The following SHISA9 variants were observed in gnomAD, a reference collection of about 807,000 sequenced individuals.
SHISA9 encodes the protein shisa family member 9.
A neutral mutation model predicts 38.0 loss-of-function variants in SHISA9; 13 were observed. The observed-to-expected ratio is 0.34, with a 90% confidence interval of 0.22 to 0.54. SHISA9 has a LOEUF of 0.54. Among genes scored for constraint, SHISA9 ranks in the 20% least tolerant of loss-of-function variants. SHISA9 has a pLI of 0.91. For missense variants in SHISA9, 538 were observed against 575.8 expected (o/e 0.93, Z 0.67); for synonymous variants, 275 against 242.0 (o/e 1.14, Z -1.27).
chr16:13,208,443 CTT>C (rs71395107), intron 3 of SHISA9, among the ~76,000 whole-genome samples: 6 of 125,050 alleles, frequency 4.8e-5, no homozygotes, highest in Non-Finnish European at 4.8e-5. Context: ...CTTTTTTTTT[CTT>C]TTTTTTTTTT....
intron 2 of SHISA9, among the ~76,000 whole-genome samples, chr16:13,171,019 C>T (rs568618278): frequency 2.2e-4 from 34 of 152,284 alleles, no homozygotes; most frequent in African/African-American, 6.3e-4. Context: ...TTGATTCACC[C>T]TTCTGCAGGC....
At chr16:13,031,056 G>A (rs4780492) in intron 2 of SHISA9, among the ~76,000 whole-genome samples, 91,150 of 152,092 alleles carry the variant, frequency 0.6, 28,345 homozygotes, top group Middle Eastern at 0.74. Flanking sequence ...ATATGTCTCT[G>A]TTGTGTTGAT....
intron 2 of SHISA9, among the ~76,000 whole-genome samples, chr16:13,029,435 G>A (rs1048102521): frequency 6.6e-6 from 1 of 152,116 alleles, no homozygotes; most frequent in African/African-American, 2.4e-5. Context: ...GCAAAACCTC[G>A]TCTCTACAAA....
chr16:13,404,558 G>A, the SHISA9 span, among the ~76,000 whole-genome samples: 1 of 152,140 alleles, frequency 6.6e-6, no homozygotes. Flanking sequence ...AAGGCTACAG[G>A]TGGCCAGAGC....
At chr16:13,346,106 C>G in the SHISA9 span, among the ~76,000 whole-genome samples, 4 of 152,168 alleles carry the variant, frequency 2.6e-5, no homozygotes, top group African/African-American at 9.7e-5. Context: ...CATCCCTCAT[C>G]CTTCTTCCAC....
chr16:13,242,305 C>T (rs1163830779), downstream of SHISA9, among the ~76,000 whole-genome samples: 1 of 152,144 alleles, frequency 6.6e-6, no homozygotes, highest in Non-Finnish European at 1.5e-5. Flanking sequence ...TCCCAAGCTC[C>T]CTCAAAGAGC....
intron 3 of SHISA9, among the ~76,000 whole-genome samples, chr16:13,209,087 GATA>G (rs1410001744): frequency 2.0e-5 from 3 of 152,124 alleles, no homozygotes; most frequent in Non-Finnish European, 4.4e-5. Context: ...GTAAAATGGA[GATA>G]ATAATGATAA....
intron 2 of SHISA9, among the ~76,000 whole-genome samples, chr16:13,142,989 CTTTTATTTTATTTTA>C (rs3075119): frequency 2.8e-5 from 4 of 141,364 alleles, no homozygotes; most frequent in East Asian, 4.2e-4. Flanking sequence ...TAGCTGTTTC[CTTTTATTTTATTTTA>C]TTTTATTTTA....
At chr16:13,503,978 C>T in the SHISA9 span, among the ~76,000 whole-genome samples, 3 of 152,200 alleles carry the variant, frequency 2.0e-5, no homozygotes, top group African/African-American at 7.2e-5. Flanking sequence ...GGAAGGCTCC[C>T]CCTCAGGTGG....
chr16:13,292,314 G>A, the SHISA9 span, among the ~76,000 whole-genome samples: 1 of 151,540 alleles, frequency 6.6e-6, no homozygotes, highest in African/African-American at 2.4e-5. Flanking sequence ...TTATGCAGTT[G>A]GAATCCTGAA....
the SHISA9 span, among the ~76,000 whole-genome samples, chr16:13,269,477 A>T: frequency 6.6e-6 from 1 of 152,200 alleles, no homozygotes; most frequent in East Asian, 1.9e-4. Context: ...CTATGCTCCC[A>T]CTGCCATCTA....
At chr16:13,554,321 A>C in the SHISA9 span, among the ~76,000 whole-genome samples, 1 of 150,486 alleles carries the variant, frequency 6.6e-6, no homozygotes, top group South Asian at 2.1e-4. Context: ...AACACCTTTC[A>C]TGCCTACCTG....
At chr16:13,272,479 C>A in the SHISA9 span, among the ~76,000 whole-genome samples, 278 of 152,144 alleles carry the variant, frequency 1.8e-3, 1 homozygote, top group African/African-American at 6.3e-3. Context: ...CCTCCCACCT[C>A]GACCTCAGAA....
rs550641423 is a variant in SHISA9 at position 13,196,012 on chromosome 16, C to T, written c.692-7382C>T. ...CTGAGGCAGGAGAATCGCTTGAACC[C>T]GGGAGGCAGAGGCTGCAGCGAGCTG... On this transcript the variant is annotated intron_variant, in intron 2 of 4. Coordinates refer to ENST00000558583, the MANE Select transcript of SHISA9 (RefSeq NM_001145204.3). 6.5e-5 allele frequency among the ~76,000 whole-genome samples: 9 copies of T among 137,484 alleles called. No homozygotes were observed. The East Asian group carries it at 1.4e-3, about 21-fold the overall frequency. 90.2% of individuals were successfully genotyped at this position (137,484 alleles called of 152,430 possible).
chr16:13,045,752 C>T (rs532176713), intron 2 of SHISA9, among the ~76,000 whole-genome samples: 4 of 90,736 alleles, frequency 4.4e-5, no homozygotes, highest in African/African-American at 1.0e-4. Flanking sequence ...TGTGCTGTCC[C>T]CTGCCCCCAC....
At chr16:13,293,392 A>G in the SHISA9 span, among the ~76,000 whole-genome samples, 1 of 152,136 alleles carries the variant, frequency 6.6e-6, no homozygotes, top group African/African-American at 2.4e-5. Flanking sequence ...CAAAGCTCTT[A>G]AATAATGCAG....
At chr16:13,063,006 C>CT (rs201009080) in intron 2 of SHISA9, among the ~76,000 whole-genome samples, 29 of 131,226 alleles carry the variant, frequency 2.2e-4, no homozygotes, top group African/African-American at 5.5e-4. Context: ...AGTTTCTTTT[C>CT]TTTTTTTTTC....
chr16:12,970,300 C>A (rs778554413), intron 2 of SHISA9, among the ~76,000 whole-genome samples: 1 of 131,120 alleles, frequency 7.6e-6, no homozygotes, highest in African/African-American at 2.9e-5. Flanking sequence ...AAAGTGGACC[C>A]CTATCTCTCA....
the SHISA9 span, among the ~76,000 whole-genome samples, chr16:13,259,804 C>T: frequency 6.6e-6 from 1 of 151,906 alleles, no homozygotes; most frequent in Non-Finnish European, 1.5e-5. Context: ...GCATGGGCAC[C>T]CTGGGCCCAG....
Sources: allele counts gnomAD v4.1 joint callset (sites outside exome capture counted in the v4.1 genomes callset), GRCh38; gene constraint gnomAD v4.1.1; transcripts MANE v1.5; gene names NCBI Gene and HGNC (gene_info 2026-07-23, HGNC 2026-07-21).